The following ZFYVE9 variants were observed in gnomAD, a reference collection of about 807,000 sequenced individuals.
The protein encoded by ZFYVE9 is zinc finger FYVE domain-containing protein 9.
ZFYVE9 carries 43 observed loss-of-function variants against 126.7 expected under a neutral mutation model. The ratio of observed to expected loss-of-function variants is 0.34; its 90% confidence interval spans 0.27 to 0.44. ZFYVE9 has a LOEUF of 0.44. Among genes scored for constraint, ZFYVE9 ranks in the 20% least tolerant of loss-of-function variants. ZFYVE9 has a pLI of 1.00. For missense variants in ZFYVE9, 1,476 were observed against 1,697.0 expected, an observed-to-expected ratio of 0.87 and a Z score of 2.29; for synonymous variants, 521 against 597.4, an observed-to-expected ratio of 0.87 and a Z score of 1.87.
rs574107101 is a variant in ZFYVE9, at chr1:52,330,536, G to A, written c.3439-2232G>A. 1.3e-4 allele frequency among the ~76,000 whole-genome samples: 20 copies of A among 152,328 alleles called. No homozygotes were observed. In the South Asian group the frequency reaches 4.1e-3, roughly 32 times the overall value. On this transcript the variant is annotated intron_variant, in intron 13 of 18. Transcript: ENST00000287727. Reference sequence around the variant, plus strand: ...TTCCTTCCTTTTTAGATCATATAGGGTAACTTCCTGACATTGCCATGGCAT... The same window carrying A: ...TTCCTTCCTTTTTAGATCATATAGGATAACTTCCTGACATTGCCATGGCAT...
chr1:52,278,910 G>GT (rs915467841), intron 9 of ZFYVE9, among the ~76,000 whole-genome samples: 92 of 144,110 alleles, frequency 6.4e-4, no homozygotes, highest in East Asian at 2.0e-3. Flanking sequence ...TTTCGTATTT[G>GT]TTTTTTTTTT....
intron 1 of ZFYVE9, among the ~76,000 whole-genome samples, chr1:52,201,590 G>T (rs1287156554): frequency 6.6e-6 from 1 of 151,576 alleles, no homozygotes; most frequent in Non-Finnish European, 1.5e-5. Flanking sequence ...TGTTGGCCAG[G>T]CTGGTCTTGA....
chr1:52,207,735 T>G lies in ZFYVE9; in HGVS notation c.-142-8634T>G, dbSNP rs116128458. 7.1e-3 allele frequency among the ~76,000 whole-genome samples: 1,088 copies of G among 152,328 alleles called. 11 individuals are homozygous for G. The highest frequency in any genetic ancestry group is 0.025 in the African/African-American group (1,032 of 41,562). Reference sequence around the variant, plus strand: ...CTTGAGTTGATCACTTAAGACCAGTTGCCCTAATGGATTATTAATTGTATA... The same window carrying G: ...CTTGAGTTGATCACTTAAGACCAGTGGCCCTAATGGATTATTAATTGTATA... On this transcript the variant is annotated intron_variant, in intron 1 of 18. Coordinates refer to ENST00000287727, the MANE Select transcript of ZFYVE9 (RefSeq NM_004799.4).
At chr1:52,294,655 G>C (rs1468150221) in intron 11 of ZFYVE9, among the ~76,000 whole-genome samples, 2 of 152,140 alleles carry the variant, frequency 1.3e-5, no homozygotes, top group Non-Finnish European at 2.9e-5. Context: ...CTCCAAGACA[G>C]GCTCTAACTT....
chr1:52,344,864 G>A lies in ZFYVE9; in HGVS notation c.4036G>A (p.Ala1346Thr). The A allele has an allele frequency of 1.9e-6, 3 of 1,614,158 alleles. No homozygotes were observed. The highest frequency in any genetic ancestry group is 1.7e-5 in the Admixed American group (1 of 60,020). The change falls in exon 18 of 19, where the codon GCT (alanine) becomes ACT (threonine). Residue 1346 changes from alanine (A) to threonine (T), a missense_variant. Physicochemically the swap from Ala to Thr is moderately conservative, Grantham distance 58. Around this residue, in one of 2 missense-constraint regions of ZFYVE9, gnomAD observed 669 missense variants for 902.4 expected, o/e 0.74. Coordinates refer to ENST00000287727, the MANE Select transcript of ZFYVE9 (RefSeq NM_004799.4). Reference sequence around the variant, plus strand: ...GCATGTTGCCAAAGCTTTTTGCCTTGCTCTCTGTCCTCACCTGAAACTTCT... The same window carrying A: ...GCATGTTGCCAAAGCTTTTTGCCTTACTCTCTGTCCTCACCTGAAACTTCT... ...TEHVAKAFCLALCPHLKLLKE... is the reference protein window; with the variant it reads ...TEHVAKAFCLTLCPHLKLLKE...
intron 1 of ZFYVE9, among the ~76,000 whole-genome samples, chr1:52,200,657 CATTTT>C (rs1644915145): frequency 6.6e-6 from 1 of 152,156 alleles, no homozygotes; most frequent in East Asian, 1.9e-4. Flanking sequence ...TTTTCTGATT[CATTTT>C]GAGTTAACTC....
intron 7 of ZFYVE9, among the ~76,000 whole-genome samples, chr1:52,271,135 T>TAACAGAAAGAGAAA (rs1645688230): frequency 6.6e-6 from 1 of 152,196 alleles, no homozygotes; most frequent in Non-Finnish European, 1.5e-5. Context: ...ATTTCTTTCC[T>TAACAGAAAGAGAAA]ATCTCTTAGT....
intron 4 of ZFYVE9, among the ~76,000 whole-genome samples, chr1:52,249,109 C>T (rs1203199271): frequency 6.6e-6 from 1 of 152,188 alleles, no homozygotes; most frequent in Non-Finnish European, 1.5e-5. Context: ...TCTGTCTCTC[C>T]TGTTCCACCA....
intron 9 of ZFYVE9, among the ~76,000 whole-genome samples, chr1:52,279,747 A>T (rs1645783904): frequency 6.6e-6 from 1 of 152,054 alleles, no homozygotes; most frequent in East Asian, 1.9e-4. Context: ...GGGATTACAG[A>T]TGTGAGCCAC....
At chr1:52,318,914 C>T (rs577007650) in intron 13 of ZFYVE9, among the ~76,000 whole-genome samples, 2 of 151,970 alleles carry the variant, frequency 1.3e-5, no homozygotes, top group African/African-American at 2.4e-5. Context: ...CTGGGCAACA[C>T]GGTGAGAACC....
intron 13 of ZFYVE9, among the ~76,000 whole-genome samples, chr1:52,332,193 A>G (rs1447389102): frequency 6.6e-6 from 1 of 151,822 alleles, no homozygotes; most frequent in East Asian, 2.0e-4. Context: ...ACAGTGGCCC[A>G]TGAATTTTTT....
intron 2 of ZFYVE9, among the ~76,000 whole-genome samples, chr1:52,230,812 A>T (rs1557469429): frequency 6.6e-6 from 1 of 152,206 alleles, no homozygotes; most frequent in Admixed American, 6.5e-5. Context: ...TGTAGCACTT[A>T]TCTGTTAATT....
Position 52,238,187 on chromosome 1 carries a change from C to T in ZFYVE9, c.770C>T (p.Ser257Phe). The change falls in exon 4 of 19, where the codon TCC becomes TTC. Residue 257 changes from serine to phenylalanine, a missense_variant. Physicochemically the swap from Ser to Phe is radical, Grantham distance 155. Coordinates refer to ENST00000287727, the MANE Select transcript of ZFYVE9 (RefSeq NM_004799.4). ...GACGGAAGTATAGGTAGAGACCCCT[C>T]CATGTCTGCGATTACAAGTTTAACG... ...KDDGSIGRDP[S>F]MSAITSLTVD... 1 of 1,614,104 alleles carries T rather than the reference C, an allele frequency of 6.2e-7. No individual in the cohort carries two copies. Among genetic ancestry groups the T allele is most frequent in the Non-Finnish European group, 8.5e-7 (1 of 1,179,956 alleles).
In ZFYVE9 at chr1:52,203,498, TAA is replaced by T. The variant is rs1335520266; in HGVS notation, c.-142-12865_-142-12864del. ...TTTTTTTTTTTTTTTTTTAAGAGATTAAAAAAATTTTTTTTTATTTTCTATAG... is the reference window on the plus strand; with the variant it reads ...TTTTTTTTTTTTTTTTTTAAGAGATTAAAAATTTTTTTTTATTTTCTATAG... On this transcript the variant is annotated intron_variant, in intron 1 of 18. Coordinates refer to ENST00000287727, the MANE Select transcript of ZFYVE9 (RefSeq NM_004799.4). Among the ~76,000 whole-genome samples the T allele has an allele frequency of 2.1e-5, 3 of 139,682 alleles. No individual in the cohort carries two copies. In the Admixed American group the frequency reaches 2.2e-4, roughly 10 times the overall value. The allele number at this position is 139,682 out of a possible 152,430, so 91.6% of individuals were successfully genotyped here.
intron 2 of ZFYVE9, among the ~76,000 whole-genome samples, chr1:52,226,754 C>T (rs1032569204): frequency 2.1e-4 from 32 of 152,046 alleles, no homozygotes; most frequent in African/African-American, 7.5e-4. Flanking sequence ...TGGTTCTGTC[C>T]GGAAAGGCGG....
At position 52,233,233 on chromosome 1, in the gene ZFYVE9, T is replaced by C; in HGVS notation, c.27T>C (p.Ala9=). MENYFQAE[A]YNLDKVLDEF... is the part of the protein sequence containing the mutation. Reference sequence around the variant, plus strand: ...TGGAGAATTACTTCCAAGCAGAAGCTTACAACCTGGACAAGGTGTTAGATG... The same window carrying C: ...TGGAGAATTACTTCCAAGCAGAAGCCTACAACCTGGACAAGGTGTTAGATG... Residue 9 remains alanine, a synonymous_variant, in exon 3 of 19, where the codon GCT becomes GCC. Transcript: ENST00000287727. The C allele has an allele frequency of 6.3e-7, 1 of 1,585,712 alleles. No individual in the cohort carries two copies. The highest frequency in any genetic ancestry group is 8.6e-7 in the Non-Finnish European group (1 of 1,163,478).
intron 3 of ZFYVE9, among the ~76,000 whole-genome samples, chr1:52,235,998 TA>T (rs1464863750): frequency 6.6e-6 from 1 of 152,198 alleles, no homozygotes; most frequent in Non-Finnish European, 1.5e-5. Flanking sequence ...TAGCTTATAG[TA>T]AAATTGGCTT....
chr1:52,342,677 A>G (rs563970580), intron 17 of ZFYVE9, among the ~76,000 whole-genome samples: 7 of 152,034 alleles, frequency 4.6e-5, no homozygotes, highest in Non-Finnish European at 1.0e-4. Context: ...CTGGGACTAC[A>G]GGCATGTGCC....
At chr1:52,306,117 A>G (rs1433631205) in intron 13 of ZFYVE9, among the ~76,000 whole-genome samples, 1 of 152,162 alleles carries the variant, frequency 6.6e-6, no homozygotes. Flanking sequence ...GGGCCAGGCC[A>G]CCAGTCCCAT....
Sources: allele counts gnomAD v4.1 joint callset (sites outside exome capture counted in the v4.1 genomes callset), GRCh38; gene constraint gnomAD v4.1.1; regional missense constraint gnomAD v4.1.1; transcripts MANE v1.5; gene names NCBI Gene and HGNC (gene_info 2026-07-23, HGNC 2026-07-21).